The following ZFHX4 variants were observed in gnomAD, a reference collection of about 807,000 sequenced individuals.
ZFHX4 encodes zinc finger homeobox protein 4.
Under a neutral mutation model 267.6 loss-of-function variants are expected in ZFHX4, and 56 were observed. That is an observed-to-expected ratio of 0.21 (90% CI 0.17 to 0.26). The LOEUF (loss-of-function observed/expected upper bound fraction) is 0.26, where lower values mean the gene tolerates loss of function less well. Among genes scored for constraint, ZFHX4 ranks in the 10% least tolerant of loss-of-function variants. The pLI is 1.00. For missense variants in ZFHX4, 4,332 were observed against 4,420.0 expected (o/e 0.98, Z 0.56); for synonymous variants, 1,778 against 1,665.6 (o/e 1.07, Z -1.64).
At chr8:76,794,775 A>G (rs1210087546) in intron 4 of ZFHX4, among the ~76,000 whole-genome samples, 1 of 152,178 alleles carries the variant, frequency 6.6e-6, no homozygotes, top group Admixed American at 6.6e-5. Flanking sequence ...AGCCGTTTTA[A>G]TATATCTTAT....
At chr8:76,845,908 G>T (rs1193819592) in intron 6 of ZFHX4, among the ~76,000 whole-genome samples, 6 of 151,368 alleles carry the variant, frequency 4.0e-5, no homozygotes, top group South Asian at 4.2e-4. Flanking sequence ...CATTTTTTTT[G>T]AGGATATTGT....
intron 3 of ZFHX4, chr8:76,733,500 A>T (rs1809075781): frequency 1.3e-5 from 2 of 152,236 alleles, no homozygotes; most frequent in Admixed American, 1.3e-4. Context: ...ATTTAAAGGA[A>T]GAAAAAAAAT....
chr8:76,861,729 G>A (rs1359618907), intron 10 of ZFHX4, among the ~76,000 whole-genome samples: 3 of 150,940 alleles, frequency 2.0e-5, no homozygotes, highest in Non-Finnish European at 4.4e-5. Flanking sequence ...TTATTTCTTA[G>A]CTAAAGAAAA....
intron 1 of ZFHX4, among the ~76,000 whole-genome samples, chr8:76,695,537 C>G (rs1807934666): frequency 6.6e-6 from 1 of 152,116 alleles, no homozygotes; most frequent in Non-Finnish European, 1.5e-5. Flanking sequence ...TACACAAAAC[C>G]AAGAAGCTAA....
intron 1 of ZFHX4, among the ~76,000 whole-genome samples, chr8:76,687,537 C>T (rs1372974789): frequency 6.6e-6 from 1 of 152,152 alleles, no homozygotes; most frequent in Non-Finnish European, 1.5e-5. Flanking sequence ...TTTTGGGCAT[C>T]TGTAAAAGGA....
chr8:76,701,718 C>A (rs369168210), intron 1 of ZFHX4, among the ~76,000 whole-genome samples: 1 of 152,190 alleles, frequency 6.6e-6, no homozygotes, highest in Admixed American at 6.5e-5. Context: ...GAACTAAATT[C>A]AAATAGCATA....
At position 76,853,186 on chromosome 8, in the gene ZFHX4, C is replaced by T. The variant is rs1812597360; in HGVS notation, c.6265C>T (p.Pro2089Ser). The change falls in exon 10 of 11, where the codon CCT (proline) becomes TCT (serine). Residue 2089 changes from proline (P) to serine (S), a missense_variant. Transcript: ENST00000651372. Reference sequence around the variant, plus strand: ...CATTATGATGCAACCTGTGCAACACCCTGCGCTTCCTCCCCAGCTTGCCCT... The same window carrying T: ...CATTATGATGCAACCTGTGCAACACTCTGCGCTTCCTCCCCAGCTTGCCCT... ...PSIMMQPVQH[P>S]ALPPQLALQL... 1.3e-5 allele frequency: 20 copies of T among 1,553,990 alleles called. No homozygotes were observed. Among genetic ancestry groups the T allele is most frequent in the Non-Finnish European group, 1.7e-5 (19 of 1,148,454 alleles).
intron 3 of ZFHX4, among the ~76,000 whole-genome samples, chr8:76,712,863 T>C (rs546212515): frequency 2.0e-5 from 3 of 152,282 alleles, no homozygotes; most frequent in African/African-American, 7.2e-5. Flanking sequence ...AAAAAAAAAC[T>C]AATCACAGTT....
chr8:76,758,240 A>G (rs949947285), intron 3 of ZFHX4, among the ~76,000 whole-genome samples: 6 of 152,178 alleles, frequency 3.9e-5, no homozygotes, highest in African/African-American at 1.4e-4. Flanking sequence ...AATGTTACTG[A>G]GCACTGGAAG....
chr8:76,693,463 G>C (rs1807873023), intron 1 of ZFHX4: 1 of 152,098 alleles, frequency 6.6e-6, no homozygotes, highest in South Asian at 2.1e-4. Context: ...AAATTCCTGG[G>C]AAACATCACA....
At chr8:76,756,344 T>C in intron 3 of ZFHX4, among the ~76,000 whole-genome samples, 1 of 152,154 alleles carries the variant, frequency 6.6e-6, no homozygotes, top group Non-Finnish European at 1.5e-5. Flanking sequence ...TTTAAAAAGG[T>C]AAACCACTTT....
chr8:76,703,229 G>C (rs1352248919), intron 1 of ZFHX4, among the ~76,000 whole-genome samples: 1 of 152,078 alleles, frequency 6.6e-6, no homozygotes, highest in East Asian at 1.9e-4. Flanking sequence ...GTTGAGAGAT[G>C]GGCAACTCAC....
chr8:76,769,270 G>A (rs1156805862), intron 3 of ZFHX4, among the ~76,000 whole-genome samples: 8 of 152,060 alleles, frequency 5.3e-5, no homozygotes, highest in Admixed American at 5.3e-4. Flanking sequence ...CATCATCTCA[G>A]TGTGCTTTGC....
chr8:76,803,256 G>A (rs1345164189), intron 4 of ZFHX4, among the ~76,000 whole-genome samples: 2 of 151,266 alleles, frequency 1.3e-5, no homozygotes, highest in East Asian at 1.9e-4. Context: ...GTGCATGCGC[G>A]TGTGTGCGTG....
intron 3 of ZFHX4, among the ~76,000 whole-genome samples, chr8:76,767,331 G>A (rs963475897): frequency 1.3e-5 from 2 of 152,102 alleles, no homozygotes; most frequent in African/African-American, 4.8e-5. Context: ...TTAATGATGT[G>A]TAAACATTGC....
chr8:76,848,866 A>T, intron 6 of ZFHX4, 129 bp from the exon 7 acceptor site: 1 of 866,054 alleles, frequency 1.2e-6, no homozygotes, highest in East Asian at 3.1e-5. Context: ...GATTAGCATT[A>T]TTTAAAATGC....
rs377034975 is a variant in ZFHX4 at position 76,851,682 on chromosome 8, C to G, written c.4761C>G (p.Asn1587Lys). The G allele has an allele frequency of 8.1e-6, 13 of 1,613,824 alleles. No homozygotes were observed. In the African/African-American group the frequency reaches 1.6e-4, roughly 20 times the overall value. ...SSPVPQETNS[N>K]TDNKPYKCSI... ...CTGTCCCACAAGAAACCAACAGCAA[C>G]ACAGATAACAAACCCTACAAGTGCA... The change falls in exon 10 of 11, where the codon AAC becomes AAG. Residue 1587 changes from asparagine to lysine, a missense_variant. By Grantham distance (94) the Asn-to-Lys change is moderately conservative (BLOSUM62 0). Around this residue, in one of 7 missense-constraint regions of ZFHX4, gnomAD observed 1,371 missense variants for 1,423.1 expected, o/e 0.96. Coordinates refer to ENST00000651372, the MANE Select transcript of ZFHX4 (RefSeq NM_024721.5).
intron 3 of ZFHX4, among the ~76,000 whole-genome samples, chr8:76,750,423 A>C (rs1456815998): frequency 6.6e-6 from 1 of 152,264 alleles, no homozygotes; most frequent in South Asian, 2.1e-4. Context: ...TGGAGTAAGA[A>C]GTAAATGTAG....
chr8:76,768,122 A>G (rs944129134), intron 3 of ZFHX4, among the ~76,000 whole-genome samples: 1 of 152,166 alleles, frequency 6.6e-6, no homozygotes, highest in African/African-American at 2.4e-5. Context: ...GGGTAGAAAG[A>G]GGGAAGATTG....
Sources: gnomAD v4.1 joint callset for allele counts (sites outside exome capture counted in the v4.1 genomes callset) on GRCh38, gnomAD v4.1.1 for gene constraint, gnomAD v4.1.1 regional missense constraint, MANE v1.5 for transcripts, NCBI Gene and HGNC (gene_info 2026-07-23, HGNC 2026-07-21) for gene names.